Variants in EPM2A observed in about 807,000 individuals in gnomAD.
EPM2A encodes the protein EPM2A glucan phosphatase, laforin.
In EPM2A, 21 loss-of-function variants were observed where a neutral mutation model predicts 26.5. That is an observed-to-expected ratio of 0.79 (90% CI 0.56 to 1.14). EPM2A has a LOEUF of 1.14. EPM2A is among the 50% of genes most tolerant of loss of function. The pLI is 0.00. For missense variants in EPM2A, 458 were observed against 440.8 expected, an observed-to-expected ratio of 1.04 and a Z score of -0.35; for synonymous variants, 217 against 177.6, an observed-to-expected ratio of 1.22 and a Z score of -1.76.
intron 2 of EPM2A, among the ~76,000 whole-genome samples, chr6:145,604,849 TA>T (rs1336914349): frequency 1.3e-5 from 2 of 152,104 alleles, no homozygotes; most frequent in African/African-American, 2.4e-5. Context: ...GTCAACAATA[TA>T]AAAATAGAAT....
At chr6:145,641,374 C>A (rs1382953429) in intron 2 of EPM2A, 1 of 152,216 alleles carries the variant, frequency 6.6e-6, no homozygotes, top group East Asian at 1.9e-4. Context: ...TGTGAAGATA[C>A]AGGGAGAAGA....
At chr6:145,520,224 T>C (rs1780185279) in intron 2 of EPM2A, among the ~76,000 whole-genome samples, 1 of 152,230 alleles carries the variant, frequency 6.6e-6, no homozygotes, top group Admixed American at 6.5e-5. Flanking sequence ...ATCACTGTAC[T>C]TTTTCTCTTT....
chr6:145,575,531 G>A (rs1781019167), intron 2 of EPM2A, among the ~76,000 whole-genome samples: 1 of 152,146 alleles, frequency 6.6e-6, no homozygotes, highest in South Asian at 2.1e-4. Context: ...CTGAAGCCGG[G>A]AGATAGAATC....
chr6:145,663,411 G>GT (rs1476471124), intron 2 of EPM2A, among the ~76,000 whole-genome samples: 1 of 152,132 alleles, frequency 6.6e-6, no homozygotes, highest in Non-Finnish European at 1.5e-5. Context: ...CGCACCGTGC[G>GT]TGAGCCGAAG....
At chr6:145,625,280 A>G (rs1336258910), downstream of EPM2A, 1 of 158,878 alleles carries the variant, frequency 6.3e-6, no homozygotes, top group Non-Finnish European at 1.4e-5. Flanking sequence ...AGCTGATAAC[A>G]TTTTAAAAAT....
chr6:145,405,433 G>A (rs182817238), intron 4 of EPM2A, among the ~76,000 whole-genome samples: 239 of 152,120 alleles, frequency 1.6e-3, no homozygotes, highest in Non-Finnish European at 2.4e-3. Flanking sequence ...GGGACTATAA[G>A]TACATGAATG....
intron 1 of EPM2A, among the ~76,000 whole-genome samples, chr6:145,696,775 ATGTG>A (rs35621582): frequency 0.21 from 28,099 of 134,930 alleles, 2,797 homozygotes; most frequent in Admixed American, 0.3. Flanking sequence ...AGGTAGGGGT[ATGTG>A]TGTGTGTGTG....
chr6:145,398,705 C>G (rs937004563), intron 4 of EPM2A, among the ~76,000 whole-genome samples: 4 of 151,990 alleles, frequency 2.6e-5, no homozygotes, highest in Non-Finnish European at 5.9e-5. Flanking sequence ...ACCAAAAACA[C>G]AAACATTAGC....
intron 2 of EPM2A, among the ~76,000 whole-genome samples, chr6:145,551,595 T>C (rs1346274644): frequency 6.6e-6 from 1 of 152,102 alleles, no homozygotes; most frequent in Non-Finnish European, 1.5e-5. Context: ...ATTTGCACTT[T>C]CTGGTCCAGA....
At chr6:145,489,947 G>A (rs1779732951) in intron 4 of EPM2A, 1 of 1,368,376 alleles carries the variant, frequency 7.3e-7, no homozygotes. Context: ...ATTTGGACCT[G>A]CTCTGGAAGC....
intron 4 of EPM2A, among the ~76,000 whole-genome samples, chr6:145,476,245 T>C (rs1779541643): frequency 6.6e-6 from 1 of 152,032 alleles, no homozygotes. Flanking sequence ...ATTTTAAATA[T>C]ATATGCACCC....
chr6:145,431,871 CT>C (rs1418362151), intron 4 of EPM2A, among the ~76,000 whole-genome samples: 2 of 152,192 alleles, frequency 1.3e-5, no homozygotes, highest in Non-Finnish European at 2.9e-5. Context: ...GAAGTCAATC[CT>C]TTCCAACGCT....
chr6:145,549,577 TAAATTC>T (rs1294826758), intron 2 of EPM2A, among the ~76,000 whole-genome samples: 1 of 152,102 alleles, frequency 6.6e-6, no homozygotes, highest in Non-Finnish European at 1.5e-5. Context: ...CAAAAATAAA[TAAATTC>T]TAACACTATA....
intron 2 of EPM2A, among the ~76,000 whole-genome samples, chr6:145,662,374 A>G (rs1778782680): frequency 6.6e-6 from 1 of 152,158 alleles, no homozygotes; most frequent in Non-Finnish European, 1.5e-5. Flanking sequence ...TTCCTGATTG[A>G]TCATTAATTT....
At chr6:145,412,481 A>T (rs1264839785) in intron 4 of EPM2A, among the ~76,000 whole-genome samples, 3 of 152,184 alleles carry the variant, frequency 2.0e-5, no homozygotes, top group Non-Finnish European at 4.4e-5. Context: ...AAGAGAGAAA[A>T]TAAATTACAT....
chr6:145,410,931 T>C (rs910862234), intron 4 of EPM2A, among the ~76,000 whole-genome samples: 2 of 152,232 alleles, frequency 1.3e-5, no homozygotes, highest in African/African-American at 4.8e-5. Flanking sequence ...AATAGTATAT[T>C]TCACACAGCT....
At chr6:145,534,671 C>T (rs1352332182) in intron 2 of EPM2A, among the ~76,000 whole-genome samples, 3 of 152,238 alleles carry the variant, frequency 2.0e-5, no homozygotes, top group Non-Finnish European at 4.4e-5. Flanking sequence ...GCTCTCCTCC[C>T]TTAACTGCCC....
At chr6:145,515,384 C>A (rs950293875) in intron 2 of EPM2A, among the ~76,000 whole-genome samples, 5 of 152,110 alleles carry the variant, frequency 3.3e-5, no homozygotes, top group African/African-American at 1.2e-4. Context: ...CCTCTCTTAG[C>A]CTGTTTGGTC....
At chr6:145,541,957 TGAG>T (rs925652273) in intron 2 of EPM2A, among the ~76,000 whole-genome samples, 2 of 151,580 alleles carry the variant, frequency 1.3e-5, no homozygotes, top group Admixed American at 1.3e-4. Flanking sequence ...CTTTTACATA[TGAG>T]GAGATGATGC....
Sources: gnomAD v4.1 joint callset for allele counts (sites outside exome capture counted in the v4.1 genomes callset) on GRCh38, gnomAD v4.1.1 for gene constraint, MANE v1.5 for transcripts, NCBI Gene and HGNC (gene_info 2026-07-23, HGNC 2026-07-21) for gene names.